The following CDK17 variants were observed in gnomAD, a reference collection of about 807,000 sequenced individuals.
The protein encoded by CDK17 is cyclin-dependent kinase 17.
CDK17 carries 24 observed loss-of-function variants against 77.6 expected under a neutral mutation model. The observed-to-expected ratio is 0.31, with a 90% CI of 0.22 to 0.44. The LOEUF is 0.44. Ranked by LOEUF, CDK17 falls within the 20% of genes least tolerant of loss-of-function variation. CDK17 has a pLI of 1.00. For missense variants in CDK17, 429 were observed against 622.5 expected, an observed-to-expected ratio of 0.69 and a Z score of 3.31; for synonymous variants, 203 against 210.4, an observed-to-expected ratio of 0.96 and a Z score of 0.30.
chr12:96,306,927 T>C (rs978782075), intron 5 of CDK17, among the ~76,000 whole-genome samples: 1 of 152,180 alleles, frequency 6.6e-6, no homozygotes, highest in Non-Finnish European at 1.5e-5. Context: ...ATGAAATGGA[T>C]GCATCAGTAA....
chr12:96,388,766 C>G (rs886250598), intron 1 of CDK17, among the ~76,000 whole-genome samples: 1 of 152,164 alleles, frequency 6.6e-6, no homozygotes, highest in Non-Finnish European at 1.5e-5. Flanking sequence ...CCTCATGGTT[C>G]TGCAAGCTGT....
At chr12:96,299,778 C>T (rs1952471366) in intron 6 of CDK17, among the ~76,000 whole-genome samples, 1 of 152,174 alleles carries the variant, frequency 6.6e-6, no homozygotes, top group South Asian at 2.1e-4. Flanking sequence ...TCTATTATTG[C>T]CAGGACAGCC....
intron 1 of CDK17, among the ~76,000 whole-genome samples, chr12:96,373,747 C>G (rs762859950): frequency 1.3e-5 from 2 of 152,154 alleles, no homozygotes; most frequent in Admixed American, 6.5e-5. Flanking sequence ...TGGTGAAACC[C>G]TGTCTCTACT....
intron 6 of CDK17, among the ~76,000 whole-genome samples, chr12:96,299,844 T>C (rs1343155721): frequency 6.6e-6 from 1 of 152,208 alleles, no homozygotes; most frequent in Non-Finnish European, 1.5e-5. Context: ...CCTTTCCTAC[T>C]ATAGGAGGTA....
intron 1 of CDK17, among the ~76,000 whole-genome samples, chr12:96,345,483 G>C (rs529215468): frequency 1.3e-5 from 2 of 152,164 alleles, no homozygotes; most frequent in Non-Finnish European, 2.9e-5. Context: ...AACCTTGCCA[G>C]TATCTGTTGT....
chr12:96,345,470 C>G (rs1161794871), intron 1 of CDK17, among the ~76,000 whole-genome samples: 2 of 152,194 alleles, frequency 1.3e-5, no homozygotes, highest in Non-Finnish European at 2.9e-5. Context: ...CCTATTTCTC[C>G]GCAACCTTGC....
intron 2 of CDK17, among the ~76,000 whole-genome samples, chr12:96,328,161 C>T (rs1353654391): frequency 6.6e-6 from 1 of 151,956 alleles, no homozygotes; most frequent in Non-Finnish European, 1.5e-5. Flanking sequence ...ACTGTGCATG[C>T]GAGGGATCTA....
chr12:96,299,846 T>C (rs566634041), intron 6 of CDK17, among the ~76,000 whole-genome samples: 4 of 152,286 alleles, frequency 2.6e-5, no homozygotes, highest in South Asian at 4.1e-4. Context: ...TTTCCTACTA[T>C]AGGAGGTAGG....
At position 96,374,438 on chromosome 12, in the gene CDK17, G is replaced by T. The variant is rs190666123; in HGVS notation, c.-30+25548C>A. On this transcript the variant is annotated intron_variant, in intron 1 of 16. Coordinates refer to ENST00000261211, the MANE Select transcript of CDK17 (RefSeq NM_002595.5). ...CCACTACTTTTCAGCTCCATCTCCA[G>T]AGATACACAGTGAGTGCTTCATTGC... is the stretch of plus-strand genomic sequence containing the variant. 2.4e-4 allele frequency among the ~76,000 whole-genome samples: 36 copies of T among 152,294 alleles called. 1 individual carries two copies. Among genetic ancestry groups the T allele is most frequent in the Admixed American group, 4.6e-4 (7 of 15,280 alleles).
chr12:96,372,981 T>C (rs2137211371), intron 1 of CDK17, among the ~76,000 whole-genome samples: 1 of 152,312 alleles, frequency 6.6e-6, no homozygotes, highest in Middle Eastern at 3.4e-3. Context: ...AAGGATGGCT[T>C]TATGAGCCTA....
At chr12:96,357,797 G>T (rs944536498) in intron 1 of CDK17, among the ~76,000 whole-genome samples, 1 of 152,056 alleles carries the variant, frequency 6.6e-6, no homozygotes, top group Admixed American at 6.5e-5. Flanking sequence ...TCCTGAGAAA[G>T]GTATCCTGAG....
At position 96,368,807 on chromosome 12, in the gene CDK17, G is replaced by A. The variant is rs1007118486; in HGVS notation, c.-30+31179C>T. 6.8e-3 allele frequency among the ~76,000 whole-genome samples: 41 copies of A among 5,990 alleles called. 2 individuals carry two copies. The highest frequency in any genetic ancestry group is 0.021 in the African/African-American group (29 of 1,372). 3.9% of individuals were successfully genotyped at this position (5,990 alleles called of 152,430 possible). A position where few individuals can be genotyped will look rare whatever the true frequency, so the allele number is the denominator to read the frequency against. On this transcript the variant is annotated intron_variant, in intron 1 of 16. Transcript: ENST00000261211. ...ATTTAGAAAGAAGCTACTCTAAGACGGGGGGGGGGGGGGGGGGCACAATGA... is the reference window on the plus strand; with the variant it reads ...ATTTAGAAAGAAGCTACTCTAAGACAGGGGGGGGGGGGGGGGGCACAATGA...
chr12:96,343,247 T>G (rs1953149604), intron 1 of CDK17, among the ~76,000 whole-genome samples: 1 of 152,152 alleles, frequency 6.6e-6, no homozygotes, highest in African/African-American at 2.4e-5. Context: ...AATTAGACAC[T>G]AAAAACAACC....
intron 2 of CDK17, among the ~76,000 whole-genome samples, chr12:96,327,942 T>A (rs540766340): frequency 3.3e-5 from 5 of 152,312 alleles, no homozygotes; most frequent in African/African-American, 1.2e-4. Flanking sequence ...ATCAGTCACA[T>A]TGATCAGGGG....
chr12:96,327,068 A>C (rs985360957), intron 2 of CDK17, among the ~76,000 whole-genome samples: 2 of 152,160 alleles, frequency 1.3e-5, no homozygotes, highest in Admixed American at 1.3e-4. Context: ...AACAGTTCTT[A>C]ATCTTGATTG....
chr12:96,303,821 G>T (rs530531391), intron 5 of CDK17, among the ~76,000 whole-genome samples: 1 of 152,210 alleles, frequency 6.6e-6, no homozygotes, highest in African/African-American at 2.4e-5. Flanking sequence ...TGGAGATGCT[G>T]TTCTAGCTGA....
At chr12:96,377,098 C>A (rs536241052) in intron 1 of CDK17, among the ~76,000 whole-genome samples, 1 of 152,006 alleles carries the variant, frequency 6.6e-6, no homozygotes, top group Non-Finnish European at 1.5e-5. Context: ...GCAGGTATAA[C>A]CAGAAAGCAA....
intron 1 of CDK17, among the ~76,000 whole-genome samples, chr12:96,343,052 A>C (rs1429918658): frequency 2.0e-5 from 3 of 152,252 alleles, no homozygotes; most frequent in African/African-American, 7.2e-5. Flanking sequence ...CAAACTAGAA[A>C]AAAAGAAATG....
At position 96,297,671 on chromosome 12, in the gene CDK17, T is replaced by C. The variant is rs768326194; in HGVS notation, c.766A>G (p.Ile256Val). 1.2e-6 allele frequency: 2 copies of C among 1,606,530 alleles called. No individual in the cohort carries two copies. The highest frequency in any genetic ancestry group is 1.7e-5 in the Admixed American group (1 of 59,344). Reference protein sequence around the residue: ...KHANIVTLHDIVHTDKSLTLV... With the variant: ...KHANIVTLHDVVHTDKSLTLV... ...GTCAAGGATTTATCTGTGTGAACAA[T>C]GTCATGTAAGGTTACTATATTTGCA... The change falls in exon 8 of 17, where the codon ATT becomes GTT. Residue 256 changes from isoleucine to valine, a missense_variant. Around this residue, in one of 4 missense-constraint regions of CDK17, gnomAD observed 262 missense variants for 385.4 expected, o/e 0.68. Coordinates refer to ENST00000261211, the MANE Select transcript of CDK17 (RefSeq NM_002595.5).
Sources: allele counts gnomAD v4.1 joint callset (sites outside exome capture counted in the v4.1 genomes callset), GRCh38; gene constraint gnomAD v4.1.1; regional missense constraint gnomAD v4.1.1; transcripts MANE v1.5; gene names NCBI Gene and HGNC (gene_info 2026-07-23, HGNC 2026-07-21).